AKAP6: variants seen among roughly 807,000 people sequenced by gnomAD.
The protein encoded by AKAP6 is A-kinase anchoring protein 6.
In AKAP6, 58 loss-of-function variants were observed where a neutral mutation model predicts 188.5. The observed-to-expected ratio is 0.31, with a 90% CI of 0.25 to 0.38. The LOEUF (loss-of-function observed/expected upper bound fraction) is 0.38, where lower values mean the gene tolerates loss of function less well. Ranked by LOEUF, AKAP6 falls within the 10% of genes least tolerant of loss-of-function variation. AKAP6 has a pLI of 1.00. For synonymous variants in AKAP6, 989 were observed against 998.6 expected (o/e 0.99, Z 0.18); for missense variants, 2,710 against 2,740.0 (o/e 0.99, Z 0.24).
rs116468306 is a variant in AKAP6, at chr14:32,365,752, C to G, written c.-35+36344C>G. Among the ~76,000 whole-genome samples the G allele has an allele frequency of 9.3e-3, 1,423 of 152,258 alleles. 18 individuals carry two copies. Among genetic ancestry groups the G allele is most frequent in the African/African-American group, 0.033 (1,377 of 41,542 alleles). ...CCTCAAACCCCTCCCCATTATCTCA[C>G]CTCCCCACTTCTCCTGGAGGAAGAC... On this transcript the variant is annotated intron_variant, in intron 1 of 13. Coordinates refer to ENST00000280979, the MANE Select transcript of AKAP6 (RefSeq NM_004274.5).
chr14:32,644,939 A>G (rs181145644), intron 7 of AKAP6, among the ~76,000 whole-genome samples: 1 of 152,286 alleles, frequency 6.6e-6, no homozygotes, highest in East Asian at 1.9e-4. Context: ...ACTAACGGGT[A>G]TATATACCAT....
intron 5 of AKAP6, among the ~76,000 whole-genome samples, chr14:32,579,192 A>G (rs1427780681): frequency 6.6e-6 from 1 of 152,152 alleles, no homozygotes; most frequent in Non-Finnish European, 1.5e-5. Flanking sequence ...GAACGGCAAT[A>G]TCTGTACCTG....
At chr14:32,777,922 C>T (rs1212208191) in intron 12 of AKAP6, among the ~76,000 whole-genome samples, 1 of 152,020 alleles carries the variant, frequency 6.6e-6, no homozygotes, top group East Asian at 1.9e-4. Flanking sequence ...GCGTGCAGTC[C>T]CAGCTACTTG....
chr14:32,756,722 C>G (rs752060132), intron 11 of AKAP6, among the ~76,000 whole-genome samples: 74 of 152,144 alleles, frequency 4.9e-4, no homozygotes, highest in Non-Finnish European at 8.4e-4. Context: ...AATAGGCCTC[C>G]AAGGCTGGTT....
intron 2 of AKAP6, among the ~76,000 whole-genome samples, chr14:32,445,208 C>G (rs1309223132): frequency 6.6e-6 from 1 of 152,088 alleles, no homozygotes; most frequent in African/African-American, 2.4e-5. Flanking sequence ...AAATTCATAC[C>G]TTGGAATATG....
At position 32,545,844 on chromosome 14, in the gene AKAP6, A is replaced by C; in HGVS notation, c.1191A>C (p.Lys397Asn). 1 of 1,614,202 alleles carries C rather than the reference A, an allele frequency of 6.2e-7. No individual in the cohort carries two copies. The highest frequency in any genetic ancestry group is 8.5e-7 in the Non-Finnish European group (1 of 1,180,020). ...PTLPKRGLFL[K>N]EETFKNDLKG... ...TGCCAAAAAGAGGACTTTTTCTTAA[A>C]GAGGAAACTTTTAAGAATGATCTGA... Residue 397 changes from lysine to asparagine, a missense_variant, in exon 4 of 14, where the codon AAA becomes AAC. This residue lies in a region of AKAP6 where 2,473 missense variants were observed against 2,426.1 expected (regional missense o/e 1.02). Coordinates refer to ENST00000280979, the MANE Select transcript of AKAP6 (RefSeq NM_004274.5).
intron 9 of AKAP6, among the ~76,000 whole-genome samples, chr14:32,723,668 A>G (rs2030688374): frequency 6.6e-6 from 1 of 152,054 alleles, no homozygotes; most frequent in Non-Finnish European, 1.5e-5. Flanking sequence ...AATAGCTGGC[A>G]GAACTGAGTT....
At chr14:32,339,647 G>T (rs1269569511) in intron 1 of AKAP6, among the ~76,000 whole-genome samples, 1 of 152,118 alleles carries the variant, frequency 6.6e-6, no homozygotes, top group Non-Finnish European at 1.5e-5. Context: ...TCAGATTGAT[G>T]GATTGGTGGA....
chr14:32,674,118 A>T lies in AKAP6; in HGVS notation c.2731-4193A>T, dbSNP rs185664998. Among the ~76,000 whole-genome samples the T allele has an allele frequency of 7.2e-5, 11 of 152,320 alleles. No individual in the cohort carries two copies. The South Asian group carries it at 2.1e-3, about 29-fold the overall frequency. ...CCAGTGAAAGGGAACAATACGTGCA[A>T]AGGTCCTGAGGCAAGAAAGGGCTGT... On this transcript the variant is annotated intron_variant, in intron 7 of 13. Coordinates refer to ENST00000280979, the MANE Select transcript of AKAP6 (RefSeq NM_004274.5).
At chr14:32,381,290 A>G (rs1483704251) in intron 1 of AKAP6, among the ~76,000 whole-genome samples, 2 of 152,120 alleles carry the variant, frequency 1.3e-5, no homozygotes, top group Admixed American at 6.5e-5. Flanking sequence ...CAGTGAGCCA[A>G]GATTGCACCT....
intron 2 of AKAP6, among the ~76,000 whole-genome samples, chr14:32,446,666 T>A (rs1048121410): frequency 6.6e-6 from 1 of 151,722 alleles, no homozygotes; most frequent in African/African-American, 2.4e-5. Context: ...CAAGCAACTA[T>A]TTTTTTTGTC....
chr14:32,819,332 T>G (rs2034462608), intron 12 of AKAP6, among the ~76,000 whole-genome samples: 1 of 152,216 alleles, frequency 6.6e-6, no homozygotes, highest in Non-Finnish European at 1.5e-5. Context: ...GTGGTACCCT[T>G]TAACTATTAG....
chr14:32,435,587 C>T (rs936983430), intron 2 of AKAP6, among the ~76,000 whole-genome samples: 2 of 152,214 alleles, frequency 1.3e-5, no homozygotes, highest in Non-Finnish European at 2.9e-5. Context: ...TCAGCTCCAT[C>T]CCTTAGTGTG....
intron 2 of AKAP6, among the ~76,000 whole-genome samples, chr14:32,437,633 GT>G (rs1200607457): frequency 6.6e-6 from 1 of 151,744 alleles, no homozygotes; most frequent in Non-Finnish European, 1.5e-5. Flanking sequence ...GTCTCACTCC[GT>G]CACCCAGACT....
At chr14:32,657,982 A>G (rs1001405721) in intron 7 of AKAP6, among the ~76,000 whole-genome samples, 1 of 152,160 alleles carries the variant, frequency 6.6e-6, no homozygotes, top group African/African-American at 2.4e-5. Context: ...TAGATTGACA[A>G]TAAAGAACTA....
At chr14:32,544,215 C>T (rs993700949) in intron 3 of AKAP6, among the ~76,000 whole-genome samples, 4 of 152,170 alleles carry the variant, frequency 2.6e-5, no homozygotes, top group African/African-American at 9.7e-5. Flanking sequence ...GGGGATGTAA[C>T]AACCCTTCAC....
At chr14:32,804,163 G>C (rs1390943881) in intron 12 of AKAP6, among the ~76,000 whole-genome samples, 3 of 152,144 alleles carry the variant, frequency 2.0e-5, no homozygotes, top group Non-Finnish European at 4.4e-5. Context: ...ATTCTTATCA[G>C]TACCACTTAT....
At chr14:32,381,824 C>T (rs183494315) in intron 1 of AKAP6, among the ~76,000 whole-genome samples, 23 of 152,260 alleles carry the variant, frequency 1.5e-4, no homozygotes, top group African/African-American at 5.1e-4. Flanking sequence ...GACTTGTGTA[C>T]CCAAGGCTCC....
chr14:32,607,830 G>A (rs1427426378), intron 7 of AKAP6, among the ~76,000 whole-genome samples: 1 of 152,082 alleles, frequency 6.6e-6, no homozygotes, highest in African/African-American at 2.4e-5. Context: ...CTTTCCTGCT[G>A]AACTATATAA....
Sources: allele counts gnomAD v4.1 joint callset (sites outside exome capture counted in the v4.1 genomes callset), GRCh38; gene constraint gnomAD v4.1.1; regional missense constraint gnomAD v4.1.1; transcripts MANE v1.5; gene names NCBI Gene and HGNC (gene_info 2026-07-23, HGNC 2026-07-21).